The following L3MBTL3 variants were observed in gnomAD, a reference collection of about 807,000 sequenced individuals.
The protein encoded by L3MBTL3 is lethal(3)malignant brain tumor-like protein 3.
A neutral mutation model predicts 102.3 loss-of-function variants in L3MBTL3; 27 were observed. That is an observed-to-expected ratio of 0.26 (90% CI 0.19 to 0.36). The LOEUF is 0.36. Ranked by LOEUF, L3MBTL3 falls within the 10% of genes least tolerant of loss-of-function variation. The pLI is 1.00. For missense variants in L3MBTL3, 798 were observed against 955.3 expected (o/e 0.84, Z 2.17); for synonymous variants, 340 against 320.9 (o/e 1.06, Z -0.64).
rs1227603603 is a variant in L3MBTL3 at position 130,022,243 on chromosome 6, C to T, written c.-78C>T. The T allele has an allele frequency of 2.6e-5, 4 of 152,200 alleles. No homozygotes were observed. In the East Asian group the frequency reaches 7.7e-4, roughly 29 times the overall value. 9.4% of individuals were successfully genotyped at this position (152,200 alleles called of 1,614,324 possible). On this transcript the variant is annotated 5_prime_UTR_variant, in exon 2 of 23. Coordinates refer to ENST00000361794, the MANE Select transcript of L3MBTL3 (RefSeq NM_032438.4). ...CAATGCTAGAACCCTTAGGAGAAAT[C>T]TTGAGAGTGGACAGCAATTGTGAAG... is the stretch of plus-strand genomic sequence containing the variant.
intron 18 of L3MBTL3, among the ~76,000 whole-genome samples, chr6:130,097,531 A>G (rs112911517): frequency 3.5e-4 from 54 of 152,340 alleles, no homozygotes; most frequent in African/African-American, 1.3e-3. Flanking sequence ...CTAAACAATG[A>G]AGCTTGATAA....
At chr6:130,117,863 CTTTTTTTTTTTTTTT>C (rs56787867) in intron 19 of L3MBTL3, among the ~76,000 whole-genome samples, 2 of 53,014 alleles carry the variant, frequency 3.8e-5, no homozygotes, top group Non-Finnish European at 6.8e-5. Flanking sequence ...GCACGCCTGA[CTTTTTTTTTTTTTTT>C]TTTTTTTTTT....
At chr6:130,074,262 A>C (rs1160820461) in intron 13 of L3MBTL3, among the ~76,000 whole-genome samples, 1 of 152,212 alleles carries the variant, frequency 6.6e-6, no homozygotes, top group African/African-American at 2.4e-5. Flanking sequence ...GCAATAAAAC[A>C]TTTCTAACTT....
chr6:130,104,097 G>T (rs1394086232), intron 18 of L3MBTL3, among the ~76,000 whole-genome samples: 1 of 152,168 alleles, frequency 6.6e-6, no homozygotes, highest in African/African-American at 2.4e-5. Flanking sequence ...CCTTTGTCCT[G>T]AATGATGTCT....
rs557555938 is a variant in L3MBTL3 at position 130,054,962 on chromosome 6, C to T, written c.583-209C>T. ...GGAGCGGTGTCCATGCCCTTCCAAC[C>T]GGTAACACGTGGATACAGTCTTATT... On this transcript the variant is annotated intron_variant, in intron 7 of 22. Coordinates refer to ENST00000361794, the MANE Select transcript of L3MBTL3 (RefSeq NM_032438.4). 63 of 497,248 alleles carry T rather than the reference C, an allele frequency of 1.3e-4. 1 individual carries two copies. The East Asian group carries it at 1.6e-3, about 13-fold the overall frequency. 30.8% of individuals were successfully genotyped at this position (497,248 alleles called of 1,614,324 possible).
intron 20 of L3MBTL3, among the ~76,000 whole-genome samples, chr6:130,129,704 A>C (rs1055158447): frequency 1.3e-5 from 2 of 152,184 alleles, no homozygotes; most frequent in African/African-American, 4.8e-5. Flanking sequence ...ATGGTTTGAG[A>C]GGAGAGTGGT....
intron 3 of L3MBTL3, among the ~76,000 whole-genome samples, chr6:130,043,819 G>A (rs1047549606): frequency 2.0e-5 from 3 of 152,136 alleles, no homozygotes; most frequent in African/African-American, 7.2e-5. Flanking sequence ...CCTGTCATTG[G>A]AAAAATACTT....
intron 22 of L3MBTL3, 133 bp from the exon 23 acceptor site, chr6:130,139,477 A>G: frequency 1.3e-6 from 1 of 761,480 alleles, no homozygotes; most frequent in Non-Finnish European, 2.2e-6. Context: ...AAGAAATGTC[A>G]TTGCACACGT....
rs953241420 is a variant in L3MBTL3 at position 130,059,945 on chromosome 6, A to T, written c.760-91A>T. On this transcript the variant is annotated intron_variant, in intron 9 of 22. Coordinates refer to ENST00000361794, the MANE Select transcript of L3MBTL3 (RefSeq NM_032438.4). ...TTTTTAGAAGTTATGTATTTGGTTA[A>T]ATAGTCTTTATTTTTAAAATGGTAA... 3.5e-5 allele frequency: 23 copies of T among 647,892 alleles called. No homozygotes were observed. In the Middle Eastern group the frequency reaches 8.1e-4, roughly 23 times the overall value. The allele number at this position is 647,892 out of a possible 1,614,324, so 40.1% of individuals were successfully genotyped here. A position where few individuals can be genotyped will look rare whatever the true frequency, so the allele number is the denominator to read the frequency against.
chr6:130,094,468 A>C (rs58859724), intron 18 of L3MBTL3, 101 bp downstream of exon 18: 30,723 of 585,198 alleles, frequency 0.053, 3,779 homozygotes, highest in African/African-American at 0.37. Context: ...ACTAATTTTA[A>C]ATTCAGATCC....
At chr6:130,123,487 AT>A (rs1786381854) in intron 20 of L3MBTL3, among the ~76,000 whole-genome samples, 3 of 152,142 alleles carry the variant, frequency 2.0e-5, no homozygotes, top group African/African-American at 7.2e-5. Flanking sequence ...ACATATTTTT[AT>A]AGGTGAGATT....
intron 22 of L3MBTL3, chr6:130,138,369 C>T (rs150116976): frequency 1.3e-5 from 2 of 152,350 alleles, no homozygotes; most frequent in Non-Finnish European, 2.9e-5. Context: ...CTCCCGAGGG[C>T]TGTGAGGAAA....
chr6:130,079,403 G>C (rs1367042537), intron 14 of L3MBTL3, among the ~76,000 whole-genome samples: 1 of 152,152 alleles, frequency 6.6e-6, no homozygotes, highest in Non-Finnish European at 1.5e-5. Context: ...TGTAACTGCT[G>C]ATAAATAGTG....
rs561167560 is a variant in L3MBTL3, at chr6:130,097,307, G to A, written c.1736+2940G>A. Among the ~76,000 whole-genome samples, 13 of 152,292 alleles carry A rather than the reference G, an allele frequency of 8.5e-5. No homozygotes were observed. The South Asian group carries it at 2.5e-3, about 29-fold the overall frequency. ...AATGCTGTGTTTAGGAAAACATAAT[G>A]AGAAAATTCTCTTTGGATTAATTAC... On this transcript the variant is annotated intron_variant, in intron 18 of 22. Coordinates refer to ENST00000361794, the MANE Select transcript of L3MBTL3 (RefSeq NM_032438.4).
At chr6:130,081,607 A>G (rs1340084018) in intron 14 of L3MBTL3, among the ~76,000 whole-genome samples, 2 of 135,646 alleles carry the variant, frequency 1.5e-5, no homozygotes, top group Non-Finnish European at 3.2e-5. Context: ...TGCATTTTTT[A>G]GTAGAGATGG....
intron 3 of L3MBTL3, among the ~76,000 whole-genome samples, chr6:130,048,153 T>G (rs1780840394): frequency 6.6e-6 from 1 of 152,230 alleles, no homozygotes; most frequent in South Asian, 2.1e-4. Context: ...GAATGTAGTT[T>G]AGTAAAATAA....
rs181858954 is a variant in L3MBTL3 at position 130,133,096 on chromosome 6, C to T, written c.1967-356C>T. The stretch of plus-strand genomic sequence containing the variant: ...ACTTGGCTGTTACCTTTACAACATC[C>T]AAAGCAGAAAGGGGAGCAAATAAAC... On this transcript the variant is annotated intron_variant, in intron 20 of 22. Coordinates refer to ENST00000361794, the MANE Select transcript of L3MBTL3 (RefSeq NM_032438.4). The surrounding 1 kb of genome is among the most constrained non-coding windows in gnomAD (Gnocchi z 4.9). 6.6e-6 allele frequency among the ~76,000 whole-genome samples: 1 copy of T among 152,238 alleles called. No homozygotes were observed. Among genetic ancestry groups the T allele is most frequent in the Admixed American group, 6.5e-5 (1 of 15,284 alleles).
At chr6:130,083,742 A>C in intron 15 of L3MBTL3, 37 bp downstream of exon 15, 1 of 1,047,142 alleles carries the variant, frequency 9.5e-7, no homozygotes. Flanking sequence ...CGTGGATGAG[A>C]TCATTTATTT....
chr6:130,117,008 C>T lies in L3MBTL3; in HGVS notation c.1887-3871C>T, dbSNP rs940030748. Among the ~76,000 whole-genome samples the T allele has an allele frequency of 4.3e-5, 6 of 140,416 alleles. No individual in the cohort carries two copies. The Admixed American group carries it at 4.3e-4, about 10-fold the overall frequency. The allele number at this position is 140,416 out of a possible 152,430, so 92.1% of individuals were successfully genotyped here. A position where few individuals can be genotyped will look rare whatever the true frequency, so the allele number is the denominator to read the frequency against. On this transcript the variant is annotated intron_variant, in intron 19 of 22. Coordinates refer to ENST00000361794, the MANE Select transcript of L3MBTL3 (RefSeq NM_032438.4). Reference sequence around the variant, plus strand: ...TTATTATACTTTAAGTTTTAGGGTACATGTGCACATTGTGCAGGTTAGTTA... The same window carrying T: ...TTATTATACTTTAAGTTTTAGGGTATATGTGCACATTGTGCAGGTTAGTTA...
Sources: gnomAD v4.1 joint callset for allele counts (sites outside exome capture counted in the v4.1 genomes callset) on GRCh38, gnomAD v4.1.1 for gene constraint, Gnocchi (gnomAD v3.1) non-coding constraint, MANE v1.5 for transcripts, NCBI Gene and HGNC (gene_info 2026-07-23, HGNC 2026-07-21) for gene names.